Variants in CDKN2A observed in about 807,000 individuals in gnomAD.
The protein encoded by CDKN2A is cyclin-dependent kinase inhibitor 2A.
In CDKN2A, 3 loss-of-function variants were observed where a neutral mutation model predicts 11.1. The ratio of observed to expected loss-of-function variants is 0.27; its 90% CI spans 0.12 to 0.70. The LOEUF is 0.70. CDKN2A is among the 30% of genes least tolerant of loss of function. The pLI, the probability that CDKN2A is intolerant of heterozygous loss-of-function variation, is 0.77. For synonymous variants in CDKN2A, 122 were observed against 108.1 expected (o/e 1.13, Z -0.80); for missense variants, 265 against 233.6 (o/e 1.13, Z -0.88).
intron 2 of CDKN2A, among the ~76,000 whole-genome samples, chr9:21,992,951 C>G (rs982187799): frequency 6.6e-6 from 1 of 152,054 alleles, no homozygotes; most frequent in Non-Finnish European, 1.5e-5. Flanking sequence ...AAAAAATTAA[C>G]TTGCATAATA....
At chr9:21,972,814 T>C (rs3731244) in intron 1 of CDKN2A, among the ~76,000 whole-genome samples, 2,349 of 152,300 alleles carry the variant, frequency 0.015, 61 homozygotes, top group African/African-American at 0.052. Context: ...GAGTGCTGCA[T>C]GGTGGAAGTA....
chr9:21,979,434 G>A (rs141238590), upstream of CDKN2A, among the ~76,000 whole-genome samples: 2 of 152,236 alleles, frequency 1.3e-5, no homozygotes, highest in East Asian at 3.9e-4. Flanking sequence ...TGAAGAGAAG[G>A]GAAAGTTAGA....
rs1368195347 is a variant in CDKN2A, at chr9:21,971,227, T to G, written c.151-19A>C. The G allele has an allele frequency of 6.3e-7, 1 of 1,594,124 alleles. No individual in the cohort carries two copies. The highest frequency in any genetic ancestry group is 8.5e-7 in the Non-Finnish European group (1 of 1,177,752). ...TCATGACCTGCCAGAGAGAACAGAA[T>G]GGTCAGAGCCAGGGTGGGGGCCGGC... On this transcript the variant is annotated intron_variant, in intron 1 of 2. Transcript: ENST00000304494.
In CDKN2A at chr9:21,974,452, G is replaced by A. The variant is rs1418914644; in HGVS notation, c.150+226C>T. On this transcript the variant is annotated intron_variant, in intron 1 of 2. Coordinates refer to ENST00000304494, the MANE Select transcript of CDKN2A (RefSeq NM_000077.5). This position sits in a 1 kb window ranked among gnomAD's most constrained non-coding sequence, Gnocchi z 5.2. ...CCCCCTTCAGATCTTCTCAGCATTC[G>A]AGAGATCTGTACGCGCGTGGCTCCT... is the stretch of plus-strand genomic sequence containing the variant. 4 of 1,605,002 alleles carry A rather than the reference G, an allele frequency of 2.5e-6. No individual in the cohort carries two copies. The African/African-American group carries it at 4.3e-5, about 17-fold the overall frequency.
chr9:21,984,912 C>T (rs1820269153), intron 2 of CDKN2A, among the ~76,000 whole-genome samples: 1 of 151,886 alleles, frequency 6.6e-6, no homozygotes, highest in African/African-American at 2.4e-5. Context: ...CCAATCTCCC[C>T]TCTGATATTA....
chr9:21,994,151 G>T lies in CDKN2A; in HGVS notation c.-175-98C>A. 1.2e-6 allele frequency: 2 copies of T among 1,601,800 alleles called. No homozygotes were observed. The highest frequency in any genetic ancestry group is 1.7e-6 in the Non-Finnish European group (2 of 1,179,848). On this transcript the variant is annotated intron_variant, in intron 1 of 3. Coordinates refer to the CDKN2A transcript ENST00000494262. ...GGGCCTTTCCTACCTGGTCTTCTAGGAAGCGGCTGCTGCCCTAGACGCTGG... is the reference window on the plus strand; with the variant it reads ...GGGCCTTTCCTACCTGGTCTTCTAGTAAGCGGCTGCTGCCCTAGACGCTGG...
In CDKN2A at chr9:21,971,159, C is replaced by T. The variant is rs863224605; in HGVS notation, c.200G>A (p.Gly67Asp). 1.9e-6 allele frequency: 3 copies of T among 1,594,848 alleles called. No individual in the cohort carries two copies. Among genetic ancestry groups the T allele is most frequent in the Non-Finnish European group, 2.5e-6 (3 of 1,177,374 alleles). Residue 67 changes from glycine (G) to aspartate (D), a missense_variant, in exon 2 of 3, where the codon GGC becomes GAC. Physicochemically the swap from Gly to Asp is moderately conservative, Grantham distance 94. Transcript: ENST00000304494. ...GGGGTCGGCGCAGTTGGGCTCCGCGCCGTGGAGCAGCAGCAGCTCCGCCAC... is the reference window on the plus strand; with the variant it reads ...GGGGTCGGCGCAGTTGGGCTCCGCGTCGTGGAGCAGCAGCAGCTCCGCCAC... ...ARVAELLLLH[G>D]AEPNCADPAT...
chr9:21,970,848 G>A lies in CDKN2A; in HGVS notation c.457+54C>T, dbSNP rs758457554. On this transcript the variant is annotated intron_variant, in intron 2 of 2. Transcript: ENST00000304494. ...GAACTTTCTGTGCTGGAAAATGAAT[G>A]CTCTGAGCTTTGGAAGCTCTCAGGG... The A allele has an allele frequency of 8.2e-6, 13 of 1,590,618 alleles. No individual in the cohort carries two copies. In the East Asian group the frequency reaches 2.7e-4, roughly 33 times the overall value.
chr9:21,974,621 C>T lies in CDKN2A; in HGVS notation c.150+57G>A, dbSNP rs2131111117. 1 of 1,614,212 alleles carries T rather than the reference C, an allele frequency of 6.2e-7. No homozygotes were observed. Among genetic ancestry groups the T allele is most frequent in the South Asian group, 1.1e-5 (1 of 91,080 alleles). On this transcript the variant is annotated intron_variant, in intron 1 of 2. Coordinates refer to ENST00000304494, the MANE Select transcript of CDKN2A (RefSeq NM_000077.5). This position sits in a 1 kb window ranked among gnomAD's most constrained non-coding sequence, Gnocchi z 5.2. ...TACCTGATTCCAATTCCCCTGCAAA[C>T]TTCGTCCTCCAGAGTCGCCCGCCAT...
At chr9:21,971,649 G>C (rs1321263915) in intron 1 of CDKN2A, among the ~76,000 whole-genome samples, 3 of 137,550 alleles carry the variant, frequency 2.2e-5, no homozygotes, top group African/African-American at 8.5e-5. Context: ...GAGAAAACTT[G>C]TTTGTTTGTT....
intron 2 of CDKN2A, chr9:21,969,806 G>A: frequency 2.5e-6 from 1 of 398,026 alleles, no homozygotes; most frequent in Non-Finnish European, 4.4e-6. Context: ...GGAGGGAATT[G>A]GCGGGGGGGA....
upstream of CDKN2A, among the ~76,000 whole-genome samples, chr9:21,976,587 A>G (rs538820101): frequency 6.6e-6 from 1 of 151,706 alleles, no homozygotes; most frequent in South Asian, 2.1e-4. Flanking sequence ...TTGGTGGCGC[A>G]TGCCTGTAAT....
chr9:21,972,029 T>C (rs1278293503), intron 1 of CDKN2A, among the ~76,000 whole-genome samples: 3 of 149,706 alleles, frequency 2.0e-5, no homozygotes, highest in East Asian at 4.2e-4. Flanking sequence ...CCCCCAGCTC[T>C]AGTAACCACC....
At chr9:21,994,118 C>G (rs754982083) in intron 1 of CDKN2A, 6 of 1,598,686 alleles carry the variant, frequency 3.8e-6, no homozygotes, top group African/African-American at 2.7e-5. Flanking sequence ...GCGCCCCGGA[C>G]TTTTCGAGGG....
At chr9:21,970,809 T>G (rs746457246) in intron 2 of CDKN2A, 93 bp downstream of exon 2, 457 of 1,469,934 alleles carry the variant, frequency 3.1e-4, no homozygotes, top group Middle Eastern at 4.7e-4. Flanking sequence ...GACCGGAGAC[T>G]GGTCTCCCGG....
upstream of CDKN2A, chr9:21,975,086 G>T: frequency 7.7e-7 from 1 of 1,302,286 alleles, no homozygotes; most frequent in Non-Finnish European, 9.7e-7. Flanking sequence ...CCCTGAAGTC[G>T]CCCCAGGTTG....
At chr9:21,969,150 T>C (rs555726283) in intron 2 of CDKN2A, among the ~76,000 whole-genome samples, 7 of 152,186 alleles carry the variant, frequency 4.6e-5, no homozygotes, top group Non-Finnish European at 8.8e-5. Context: ...CTTGGGACTG[T>C]AATCCCAGTA....
chr9:21,987,956 A>T (rs1196710595), intron 2 of CDKN2A, among the ~76,000 whole-genome samples: 1 of 152,184 alleles, frequency 6.6e-6, no homozygotes, highest in African/African-American at 2.4e-5. Context: ...CTGAACGTGA[A>T]CCCCAGAAAT....
rs150201743 is a variant in CDKN2A at position 21,974,398 on chromosome 9, G to A, written c.150+280C>T. ...TCGTAAATTTTGTATCTGATAAAGAGCATACTTCCATCTAATACAAATATG... is the reference window on the plus strand; with the variant it reads ...TCGTAAATTTTGTATCTGATAAAGAACATACTTCCATCTAATACAAATATG... On this transcript the variant is annotated intron_variant, in intron 1 of 2. Coordinates refer to ENST00000304494, the MANE Select transcript of CDKN2A (RefSeq NM_000077.5). This position sits in a 1 kb window ranked among gnomAD's most constrained non-coding sequence, Gnocchi z 5.2. 1,461 of 1,588,112 alleles carry A rather than the reference G, an allele frequency of 9.2e-4. 2 individuals are homozygous for A. Among genetic ancestry groups the A allele is most frequent in the Admixed American group, 1.1e-3 (67 of 58,858 alleles).
Sources: allele counts gnomAD v4.1 joint callset (sites outside exome capture counted in the v4.1 genomes callset), GRCh38; gene constraint gnomAD v4.1.1; non-coding constraint Gnocchi (gnomAD v3.1); transcripts MANE v1.5; gene names NCBI Gene and HGNC (gene_info 2026-07-23, HGNC 2026-07-21).